Variants in UBA6 observed in about 807,000 individuals in gnomAD.
UBA6 encodes the protein ubiquitin like modifier activating enzyme 6.
Under a neutral mutation model 148.3 loss-of-function variants are expected in UBA6, and 87 were observed. That is an observed-to-expected ratio of 0.59 (90% CI 0.49 to 0.70). The LOEUF (loss-of-function observed/expected upper bound fraction) is 0.70. UBA6 is among the 30% of genes least tolerant of loss of function. The pLI is 0.00. For missense variants in UBA6, 1,186 were observed against 1,241.2 expected, an observed-to-expected ratio of 0.96 and a Z score of 0.67; for synonymous variants, 376 against 401.0, an observed-to-expected ratio of 0.94 and a Z score of 0.75.
chr4:67,696,122 A>T (rs1414605507), intron 2 of UBA6, among the ~76,000 whole-genome samples: 1 of 149,528 alleles, frequency 6.7e-6, no homozygotes, highest in African/African-American at 2.5e-5. Context: ...AGAACAGGAA[A>T]TATTTTAATG....
intron 2 of UBA6, among the ~76,000 whole-genome samples, chr4:67,682,523 C>T (rs954263431): frequency 1.3e-5 from 2 of 152,090 alleles, no homozygotes; most frequent in African/African-American, 4.8e-5. Context: ...CTTCCTGTTC[C>T]TCTCATTTAT....
intron 13 of UBA6, among the ~76,000 whole-genome samples, chr4:67,649,476 G>A (rs915082946): frequency 6.6e-6 from 1 of 152,018 alleles, no homozygotes; most frequent in South Asian, 2.1e-4. Flanking sequence ...TAATTAACTC[G>A]AATATCTACC....
intron 2 of UBA6, among the ~76,000 whole-genome samples, chr4:67,695,064 G>A (rs957290567): frequency 1.3e-5 from 2 of 152,164 alleles, no homozygotes; most frequent in Non-Finnish European, 2.9e-5. Flanking sequence ...TGAAAATTAT[G>A]TTTATCAGCA....
Position 67,642,647 on chromosome 4 carries a change from C to T in UBA6, c.1477-1419G>A, listed in dbSNP as rs148295271. Among the ~76,000 whole-genome samples, 26 of 152,158 alleles carry T rather than the reference C, an allele frequency of 1.7e-4. No homozygotes were observed. The East Asian group carries it at 3.7e-3, about 21-fold the overall frequency. On this transcript the variant is annotated intron_variant, in intron 17 of 32. Coordinates refer to ENST00000322244, the MANE Select transcript of UBA6 (RefSeq NM_018227.6). ...ATAGGTTAATAGTAATTTTCCATTA[C>T]ACTATGAAGATATGCTTCCATTATC...
At chr4:67,647,836 CAAT>C (rs1173986561) in intron 14 of UBA6, among the ~76,000 whole-genome samples, 1 of 149,046 alleles carries the variant, frequency 6.7e-6, no homozygotes, top group Admixed American at 6.7e-5. Context: ...TGCAGTGGCA[CAAT>C]CTCGGCTCAC....
intron 32 of UBA6, 88 bp from the exon 33 acceptor site, chr4:67,619,220 G>T: frequency 2.1e-6 from 2 of 953,336 alleles, no homozygotes; most frequent in Non-Finnish European, 3.2e-6. Flanking sequence ...AGAGAACCTG[G>T]ACTTGTATCT....
intron 19 of UBA6, 104 bp from the exon 20 acceptor site, chr4:67,635,662 T>A (rs923352708): frequency 7.7e-6 from 5 of 650,266 alleles, no homozygotes; most frequent in East Asian, 2.7e-5. Context: ...ACTGATCACT[T>A]CTTGAATGCA....
chr4:67,663,064 A>G, intron 12 of UBA6, 75 bp downstream of exon 12: 6 of 1,047,508 alleles, frequency 5.7e-6, no homozygotes, highest in Admixed American at 2.1e-5. Context: ...GGGCATAGTT[A>G]CTTTTTAAAT....
At chr4:67,667,912 T>C (rs1043077290) in intron 9 of UBA6, among the ~76,000 whole-genome samples, 2 of 152,168 alleles carry the variant, frequency 1.3e-5, no homozygotes, top group Non-Finnish European at 2.9e-5. Flanking sequence ...AGACACGACA[T>C]TCATCCCTTT....
intron 13 of UBA6, among the ~76,000 whole-genome samples, chr4:67,659,413 G>A (rs1729784265): frequency 6.6e-6 from 1 of 152,030 alleles, no homozygotes. Flanking sequence ...ATGATAGTGA[G>A]TTTCACGAGA....
intron 7 of UBA6, among the ~76,000 whole-genome samples, chr4:67,671,691 T>G (rs1287183786): frequency 6.6e-5 from 10 of 152,196 alleles, no homozygotes; most frequent in African/African-American, 2.4e-4. Flanking sequence ...AATCCAAAAA[T>G]TTTCAACACA....
intron 30 of UBA6, 135 bp from the exon 31 acceptor site, chr4:67,623,357 GATAAT>G: frequency 1.6e-6 from 1 of 619,744 alleles, no homozygotes. Flanking sequence ...GGAAATAAAG[GATAAT>G]ATATCTTCTA....
At chr4:67,650,684 GA>G (rs1361078974) in intron 13 of UBA6, among the ~76,000 whole-genome samples, 2 of 152,106 alleles carry the variant, frequency 1.3e-5, no homozygotes, top group African/African-American at 4.8e-5. Context: ...CTCGGACAGA[GA>G]GCAGAAAATA....
intron 2 of UBA6, among the ~76,000 whole-genome samples, chr4:67,686,952 T>TAAAAAAAAAAAA (rs546442640): frequency 5.2e-5 from 3 of 57,186 alleles, no homozygotes; most frequent in South Asian, 6.3e-4. Context: ...ATCCTGTCTC[T>TAAAAAAAAAAAA]AAAAAAAAAA....
chr4:67,676,989 C>T (rs976214970), intron 6 of UBA6, among the ~76,000 whole-genome samples: 1 of 151,900 alleles, frequency 6.6e-6, no homozygotes, highest in Non-Finnish European at 1.5e-5. Context: ...GGAATTGTTA[C>T]CTATAATAGA....
rs928605533 is a variant in UBA6 at position 67,618,332 on chromosome 4, T to C, written c.*665A>G. On this transcript the variant is annotated 3_prime_UTR_variant, in exon 33 of 33. Coordinates refer to ENST00000322244, the MANE Select transcript of UBA6 (RefSeq NM_018227.6). Reference sequence around the variant, plus strand: ...TCCATATAATACTGTTCACGTTTAGTCTAAGTTAATATGTCTCATCTGACC... The same window carrying C: ...TCCATATAATACTGTTCACGTTTAGCCTAAGTTAATATGTCTCATCTGACC... The C allele has an allele frequency of 6.6e-6, 1 of 152,654 alleles. No individual in the cohort carries two copies. Among genetic ancestry groups the C allele is most frequent in the Non-Finnish European group, 1.5e-5 (1 of 68,050 alleles). 9.5% of individuals were successfully genotyped at this position (152,654 alleles called of 1,614,324 possible). A position where few individuals can be genotyped will look rare whatever the true frequency, so the allele number is the denominator to read the frequency against.
intron 13 of UBA6, among the ~76,000 whole-genome samples, chr4:67,661,348 C>G (rs997970230): frequency 1.3e-5 from 2 of 152,230 alleles, no homozygotes; most frequent in Middle Eastern, 6.8e-3. Context: ...GGCAGGACCA[C>G]GTGGAGGTAA....
intron 20 of UBA6, among the ~76,000 whole-genome samples, chr4:67,635,166 A>C (rs1338234056): frequency 1.3e-5 from 2 of 152,178 alleles, no homozygotes; most frequent in African/African-American, 4.8e-5. Flanking sequence ...TCAATCTAAT[A>C]GTTTGTTCTT....
chr4:67,655,603 G>T (rs1017108195), intron 13 of UBA6, among the ~76,000 whole-genome samples: 2 of 152,200 alleles, frequency 1.3e-5, no homozygotes, highest in South Asian at 2.1e-4. Flanking sequence ...ATCTAAAATC[G>T]ACACCTTAAC....
Sources: allele counts gnomAD v4.1 joint callset (sites outside exome capture counted in the v4.1 genomes callset), GRCh38; gene constraint gnomAD v4.1.1; transcripts MANE v1.5; gene names NCBI Gene and HGNC (gene_info 2026-07-23, HGNC 2026-07-21).